The following SGPP1 variants were observed in gnomAD, a reference collection of about 807,000 sequenced individuals.
SGPP1 encodes the protein sphingosine-1-phosphate phosphatase 1.
Under a neutral mutation model 33.0 loss-of-function variants are expected in SGPP1, and 21 were observed. That is an observed-to-expected ratio of 0.64 (90% confidence interval 0.45 to 0.92). The LOEUF is 0.92. SGPP1 is among the 40% of genes least tolerant of loss of function. The probability of loss-of-function intolerance (pLI) is 0.00; values close to 1 mark genes in which losing one functional copy is unlikely to be tolerated. For missense variants in SGPP1, 543 were observed against 589.4 expected (o/e 0.92, Z 0.81); for synonymous variants, 239 against 241.2 (o/e 0.99, Z 0.08).
At chr14:63,712,699 G>A (rs1266556690) in intron 1 of SGPP1, among the ~76,000 whole-genome samples, 1 of 151,728 alleles carries the variant, frequency 6.6e-6, no homozygotes, top group Non-Finnish European at 1.5e-5. Context: ...GGAGGGTCTT[G>A]CTCTGTTGCC....
At chr14:63,705,745 A>G (rs1056305813) in intron 1 of SGPP1, among the ~76,000 whole-genome samples, 1 of 152,192 alleles carries the variant, frequency 6.6e-6, no homozygotes, top group African/African-American at 2.4e-5. Context: ...TAGGATAGCT[A>G]TAATAATTAA....
At chr14:63,711,780 T>C (rs1885528455) in intron 1 of SGPP1, among the ~76,000 whole-genome samples, 1 of 152,126 alleles carries the variant, frequency 6.6e-6, no homozygotes, top group Non-Finnish European at 1.5e-5. Context: ...TCAAGGCCTG[T>C]AATCCCAGGA....
At chr14:63,720,525 G>A (rs766753805) in intron 1 of SGPP1, among the ~76,000 whole-genome samples, 17 of 152,124 alleles carry the variant, frequency 1.1e-4, no homozygotes, top group Non-Finnish European at 1.8e-4. Flanking sequence ...TTGGGAGGTC[G>A]AGGCGGGTGG....
chr14:63,696,837 T>G (rs1885196855), intron 2 of SGPP1, among the ~76,000 whole-genome samples: 1 of 151,964 alleles, frequency 6.6e-6, no homozygotes, highest in South Asian at 2.1e-4. Context: ...AATACAAAAA[T>G]TAGCCGGGTG....
chr14:63,715,817 T>C (rs959657650), intron 1 of SGPP1, among the ~76,000 whole-genome samples: 2 of 152,078 alleles, frequency 1.3e-5, no homozygotes, highest in Non-Finnish European at 2.9e-5. Flanking sequence ...CACCAGACTG[T>C]AGAAAAAACC....
In SGPP1 at chr14:63,707,055, A is replaced by C. The variant is rs536503718; in HGVS notation, c.685-8397T>G. On this transcript the variant is annotated intron_variant, in intron 1 of 2. Transcript: ENST00000247225. Reference sequence around the variant, plus strand: ...GACTCTGTCCCAAAAAAAAAAAAAAAAAAAAACTGACCCATATATAATCAT... The same window carrying C: ...GACTCTGTCCCAAAAAAAAAAAAAACAAAAAACTGACCCATATATAATCAT... Among the ~76,000 whole-genome samples the C allele has an allele frequency of 1.9e-3, 288 of 151,528 alleles. 3 individuals carry two copies. The highest frequency in any genetic ancestry group is 6.1e-3 in the African/African-American group (254 of 41,320).
Position 63,727,706 on chromosome 14 carries a change from G to C in SGPP1, c.239C>G (p.Pro80Arg). The C allele has an allele frequency of 4.4e-6, 6 of 1,352,064 alleles. No homozygotes were observed. Among genetic ancestry groups the C allele is most frequent in the Non-Finnish European group, 5.7e-6 (6 of 1,057,790 alleles). The allele number at this position is 1,352,064 out of a possible 1,614,324, so 83.8% of individuals were successfully genotyped here. The change falls in exon 1 of 3, where the codon CCG becomes CGG. Residue 80 changes from proline (P) to arginine (R), a missense_variant. Transcript: ENST00000247225. ...GSDRNQCPAK[P>R]DGGGAPNGVR... ...GCCGTTGGGGGCGCCGCCGCCGTCC[G>C]GCTTGGCCGGGCACTGATTGCGGTC... is the stretch of plus-strand genomic sequence containing the variant.
intron 1 of SGPP1, among the ~76,000 whole-genome samples, chr14:63,721,301 G>C (rs1057124862): frequency 6.6e-6 from 1 of 151,924 alleles, no homozygotes; most frequent in African/African-American, 2.4e-5. Context: ...AAAATTAGCC[G>C]GGTGTGGTGG....
At chr14:63,700,856 A>G (rs1885282730) in intron 1 of SGPP1, among the ~76,000 whole-genome samples, 1 of 152,134 alleles carries the variant, frequency 6.6e-6, no homozygotes, top group South Asian at 2.1e-4. Context: ...TCTCTTTCCT[A>G]TAGATGTGAC....
intron 1 of SGPP1, 49 bp from the exon 2 acceptor site, chr14:63,698,707 T>A: frequency 9.5e-7 from 1 of 1,052,454 alleles, no homozygotes; most frequent in Non-Finnish European, 1.4e-6. Flanking sequence ...AAGTTAGATA[T>A]AAACAAACAA....
intron 1 of SGPP1, among the ~76,000 whole-genome samples, chr14:63,712,502 T>C (rs1382247516): frequency 6.6e-6 from 1 of 152,142 alleles, no homozygotes; most frequent in Admixed American, 6.6e-5. Flanking sequence ...GCAAAACCAT[T>C]GGCTGTGCTG....
At chr14:63,692,783 C>T (rs1885113683) in intron 2 of SGPP1, among the ~76,000 whole-genome samples, 2 of 152,016 alleles carry the variant, frequency 1.3e-5, no homozygotes, top group African/African-American at 4.8e-5. Flanking sequence ...GGATGTCTTC[C>T]GAGAAAACTC....
intron 1 of SGPP1, among the ~76,000 whole-genome samples, chr14:63,714,901 A>G (rs902585341): frequency 5.4e-5 from 8 of 149,432 alleles, no homozygotes; most frequent in African/African-American, 1.5e-4. Context: ...CTAACTTTCT[A>G]TATTTTTTAT....
intron 1 of SGPP1, among the ~76,000 whole-genome samples, chr14:63,701,948 TAAAAA>T (rs1251022184): frequency 9.3e-6 from 1 of 107,410 alleles, no homozygotes; most frequent in Non-Finnish European, 2.0e-5. Context: ...CCAAAAGAAG[TAAAAA>T]AAAAAAAAAA....
chr14:63,722,110 T>C (rs1183207179), intron 1 of SGPP1, among the ~76,000 whole-genome samples: 1 of 152,184 alleles, frequency 6.6e-6, no homozygotes, highest in Non-Finnish European at 1.5e-5. Context: ...ATAACCTCCC[T>C]GTACCTCAGT....
chr14:63,695,595 C>T (rs1221010040), intron 2 of SGPP1, among the ~76,000 whole-genome samples: 1 of 152,110 alleles, frequency 6.6e-6, no homozygotes, highest in Non-Finnish European at 1.5e-5. Flanking sequence ...CAGTTTTTAA[C>T]CTAACAATAA....
At chr14:63,719,084 G>C (rs1885715896) in intron 1 of SGPP1, among the ~76,000 whole-genome samples, 1 of 126,732 alleles carries the variant, frequency 7.9e-6, no homozygotes, top group African/African-American at 3.1e-5. Context: ...CTGGAGTGCA[G>C]TGGCATGATC....
At chr14:63,702,306 G>C (rs1271559879) in intron 1 of SGPP1, among the ~76,000 whole-genome samples, 9 of 152,094 alleles carry the variant, frequency 5.9e-5, no homozygotes, top group African/African-American at 1.9e-4. Flanking sequence ...GATTTCACTG[G>C]GATGAGGTGA....
At chr14:63,689,112 T>G (rs1885043612) in intron 2 of SGPP1, among the ~76,000 whole-genome samples, 1 of 152,224 alleles carries the variant, frequency 6.6e-6, no homozygotes, top group Admixed American at 6.5e-5. Flanking sequence ...TAGGATTTGA[T>G]ACATAGCAAA....
Sources: allele counts gnomAD v4.1 joint callset (sites outside exome capture counted in the v4.1 genomes callset), GRCh38; gene constraint gnomAD v4.1.1; transcripts MANE v1.5; gene names NCBI Gene and HGNC (gene_info 2026-07-23, HGNC 2026-07-21).